The following GNA12 variants were observed in gnomAD, a reference collection of about 807,000 sequenced individuals.
The protein encoded by GNA12 is G protein subunit alpha 12.
Under a neutral mutation model 26.0 loss-of-function variants are expected in GNA12, and 9 were observed. The ratio of observed to expected loss-of-function variants is 0.35; its 90% CI spans 0.21 to 0.60. The LOEUF is 0.60. Among genes scored for constraint, GNA12 ranks in the 20% least tolerant of loss-of-function variants. The probability of loss-of-function intolerance (pLI) is 0.78; values close to 1 mark genes in which losing one functional copy is unlikely to be tolerated. For synonymous variants in GNA12, 264 were observed against 219.6 expected, an observed-to-expected ratio of 1.20 and a Z score of -1.79; for missense variants, 405 against 525.8, an observed-to-expected ratio of 0.77 and a Z score of 2.25.
chr7:2,746,114 G>C (rs1790750708), intron 2 of GNA12, among the ~76,000 whole-genome samples: 1 of 152,134 alleles, frequency 6.6e-6, no homozygotes, highest in African/African-American at 2.4e-5. Flanking sequence ...AGATCAACGA[G>C]ACAGAAAGTT....
chr7:2,765,203 G>A (rs1791753240), intron 2 of GNA12: 1 of 150,962 alleles, frequency 6.6e-6, no homozygotes, highest in Non-Finnish European at 1.5e-5. Flanking sequence ...GCTGGAGTGT[G>A]GTGGCGCAAT....
In GNA12 at chr7:2,762,994, C is replaced by T. The variant is rs1791640229; in HGVS notation, c.526-29493G>A. 4.6e-6 allele frequency: 6 copies of T among 1,297,218 alleles called. No individual in the cohort carries two copies. In the East Asian group the frequency reaches 1.5e-4, roughly 33 times the overall value. The allele number at this position is 1,297,218 out of a possible 1,614,324, so 80.4% of individuals were successfully genotyped here. On this transcript the variant is annotated intron_variant, in intron 2 of 3. Coordinates refer to ENST00000275364, the MANE Select transcript of GNA12 (RefSeq NM_007353.3). ...CCTCAGAAAGAGCCCTTGTGTGCTA[C>T]TGTGGTCGCCAACAGCCCCGCCGGC... is the stretch of plus-strand genomic sequence containing the variant.
chr7:2,812,697 A>ACATCACATCACATCACATCACATAG (rs1793114879), intron 1 of GNA12, among the ~76,000 whole-genome samples: 1 of 150,880 alleles, frequency 6.6e-6, no homozygotes, highest in Non-Finnish European at 1.5e-5. Context: ...ACATCACATC[A>ACATCACATCACATCACATCACATAG]GGGGCTTTGT....
chr7:2,772,162 C>A (rs772962529), intron 2 of GNA12, among the ~76,000 whole-genome samples: 33 of 152,222 alleles, frequency 2.2e-4, no homozygotes, highest in Non-Finnish European at 4.1e-4. Context: ...TGACAAAGGA[C>A]TCATATCGAG....
At chr7:2,762,453 A>G (rs938649168) in intron 2 of GNA12, 7 of 543,942 alleles carry the variant, frequency 1.3e-5, no homozygotes, top group Middle Eastern at 3.0e-4. Context: ...ACTTAACTCC[A>G]AAGTCCAGCC....
At chr7:2,767,596 T>C (rs1791839156) in intron 2 of GNA12, among the ~76,000 whole-genome samples, 1 of 145,932 alleles carries the variant, frequency 6.9e-6, no homozygotes, top group Non-Finnish European at 1.5e-5. Context: ...AGAACAACTG[T>C]TTCCCTGTCT....
chr7:2,812,633 A>AATAAC (rs1334352429), intron 1 of GNA12, among the ~76,000 whole-genome samples: 5 of 109,036 alleles, frequency 4.6e-5, no homozygotes, highest in Admixed American at 2.1e-4. Context: ...CCATCTCAAA[A>AATAAC]ATAACATCAC....
Position 2,813,163 on chromosome 7 carries a change from C to T in GNA12, c.310-18020G>A, listed in dbSNP as rs77088511. On this transcript the variant is annotated intron_variant, in intron 1 of 3. Coordinates refer to ENST00000275364, the MANE Select transcript of GNA12 (RefSeq NM_007353.3). The stretch of plus-strand genomic sequence containing the variant: ...CTTGAACTCCTGGCCTCAAGTGATC[C>T]TCCTGCCTGGTATCCAGCAACCTTT... 9.3e-3 allele frequency among the ~76,000 whole-genome samples: 1,418 copies of T among 152,264 alleles called. 8 individuals carry two copies. Among genetic ancestry groups the T allele is most frequent in the Non-Finnish European group, 0.016 (1,058 of 68,022 alleles).
chr7:2,831,374 C>T (rs1231914769), intron 1 of GNA12, among the ~76,000 whole-genome samples: 1 of 151,806 alleles, frequency 6.6e-6, no homozygotes, highest in African/African-American at 2.4e-5. Context: ...CTCTCCCCAC[C>T]CTAAAACTAA....
chr7:2,789,989 C>T (rs1362476064), intron 2 of GNA12, among the ~76,000 whole-genome samples: 5 of 152,212 alleles, frequency 3.3e-5, no homozygotes, highest in Non-Finnish European at 5.9e-5. Flanking sequence ...TCTGTGCTTG[C>T]ATCCACGTGC....
chr7:2,742,010 A>G (rs1790530544), intron 2 of GNA12, among the ~76,000 whole-genome samples: 1 of 151,768 alleles, frequency 6.6e-6, no homozygotes, highest in Non-Finnish European at 1.5e-5. Context: ...AATCTGAAAC[A>G]CTTGAATTTT....
chr7:2,794,200 G>T (rs1032775188), intron 2 of GNA12, among the ~76,000 whole-genome samples: 2 of 152,098 alleles, frequency 1.3e-5, no homozygotes, highest in African/African-American at 4.8e-5. Context: ...TCATAAGAAC[G>T]GCAAAGGATT....
chr7:2,772,395 C>T (rs1040456211), intron 2 of GNA12, among the ~76,000 whole-genome samples: 9 of 152,060 alleles, frequency 5.9e-5, no homozygotes, highest in African/African-American at 2.2e-4. Flanking sequence ...CCCGTCTCTA[C>T]TAAAAATGCA....
At chr7:2,840,456 C>G (rs1031235168) in intron 1 of GNA12, among the ~76,000 whole-genome samples, 2 of 152,194 alleles carry the variant, frequency 1.3e-5, no homozygotes, top group Non-Finnish European at 1.5e-5. Flanking sequence ...ACAGTCCGTG[C>G]TCTAGAAGGA....
At chr7:2,828,311 C>A (rs996042328) in intron 1 of GNA12, among the ~76,000 whole-genome samples, 1 of 152,150 alleles carries the variant, frequency 6.6e-6, no homozygotes, top group Non-Finnish European at 1.5e-5. Context: ...ATAACTATCA[C>A]CAATGCAGTT....
rs528386531 is a variant in GNA12, at chr7:2,789,345, C to T, written c.525+5583G>A. 3.6e-3 allele frequency among the ~76,000 whole-genome samples: 531 copies of T among 148,938 alleles called. 4 individuals are homozygous for T. Among genetic ancestry groups the T allele is most frequent in the Non-Finnish European group, 5.6e-3 (380 of 67,490 alleles). On this transcript the variant is annotated intron_variant, in intron 2 of 3. Coordinates refer to ENST00000275364, the MANE Select transcript of GNA12 (RefSeq NM_007353.3). ...AGAGACGGGGTTTCACCGTTTTAGCCGGGATGGTCTCGATCTCCTGACCTC... is the reference window on the plus strand; with the variant it reads ...AGAGACGGGGTTTCACCGTTTTAGCTGGGATGGTCTCGATCTCCTGACCTC...
At chr7:2,815,617 T>C (rs1226855288) in intron 1 of GNA12, among the ~76,000 whole-genome samples, 4 of 152,226 alleles carry the variant, frequency 2.6e-5, no homozygotes, top group African/African-American at 9.6e-5. Flanking sequence ...CCGCGGATGC[T>C]GCCTTGCCCA....
chr7:2,778,914 ACC>A (rs1283141265), intron 2 of GNA12, among the ~76,000 whole-genome samples: 1 of 152,146 alleles, frequency 6.6e-6, no homozygotes, highest in African/African-American at 2.4e-5. Context: ...TGATACTACC[ACC>A]CTTTGAAACT....
intron 1 of GNA12, among the ~76,000 whole-genome samples, chr7:2,840,999 G>C (rs933778092): frequency 2.0e-5 from 3 of 152,218 alleles, no homozygotes; most frequent in Non-Finnish European, 4.4e-5. Flanking sequence ...AAATGGTCAC[G>C]ACACATGAAG....
Sources: allele counts gnomAD v4.1 joint callset (sites outside exome capture counted in the v4.1 genomes callset), GRCh38; gene constraint gnomAD v4.1.1; transcripts MANE v1.5; gene names NCBI Gene and HGNC (gene_info 2026-07-23, HGNC 2026-07-21).